MATK: variants seen among roughly 807,000 people sequenced by gnomAD.
MATK encodes megakaryocyte-associated tyrosine-protein kinase.
Under a neutral mutation model 59.8 loss-of-function variants are expected in MATK, and 41 were observed. That is an observed-to-expected ratio of 0.69 (90% CI 0.53 to 0.89). MATK has a LOEUF of 0.89. Among genes scored for constraint, MATK ranks in the 40% least tolerant of loss-of-function variants. The probability of loss-of-function intolerance (pLI) is 0.00; values close to 1 mark genes in which losing one functional copy is unlikely to be tolerated. For synonymous variants in MATK, 308 were observed against 306.1 expected (o/e 1.01, Z -0.06); for missense variants, 593 against 719.6 (o/e 0.82, Z 2.01).
chr19:3,797,957 G>C (rs1006477257), intron 1 of MATK, among the ~76,000 whole-genome samples: 13 of 152,092 alleles, frequency 8.5e-5, no homozygotes, highest in African/African-American at 2.9e-4. Context: ...GAGGAGAATC[G>C]CTTGAACCTG....
chr19:3,779,661 C>A, intron 9 of MATK, 37 bp downstream of exon 9: 3 of 1,610,624 alleles, frequency 1.9e-6, no homozygotes, highest in South Asian at 1.1e-5. Flanking sequence ...TGGGACCCCC[C>A]CCGTCCCACG....
rs779908758 is a variant in MATK at position 3,785,248 on chromosome 19, GCTGGGTGCCA to G, written c.-123_-114del. The G allele has an allele frequency of 1.3e-6, 2 of 1,571,738 alleles. No homozygotes were observed. The highest frequency in any genetic ancestry group is 4.7e-5 in the East Asian group (2 of 42,996). ...AGTCGGCTGGCACAGGAGGTAGGGA[GCTGGGTGCCA>G]CTGGACCGAGCCTGGTTCTTCCTGT... is the stretch of plus-strand genomic sequence containing the variant. On this transcript the variant is annotated 5_prime_UTR_variant, in exon 2 of 14. Coordinates refer to ENST00000310132, the MANE Select transcript of MATK (RefSeq NM_139355.3).
intron 1 of MATK, among the ~76,000 whole-genome samples, chr19:3,795,077 A>T (rs2037581498): frequency 7.1e-6 from 1 of 141,314 alleles, no homozygotes; most frequent in Non-Finnish European, 1.5e-5. Context: ...TCCCAGGTTC[A>T]CACCATTGTC....
intron 1 of MATK, among the ~76,000 whole-genome samples, chr19:3,792,362 G>A (rs1285845431): frequency 6.6e-6 from 1 of 152,110 alleles, no homozygotes; most frequent in African/African-American, 2.4e-5. Flanking sequence ...TCAGGGTTGG[G>A]ATTGGCTGGC....
Position 3,778,239 on chromosome 19 carries a change from A to C in MATK, c.1468T>G (p.Ser490Ala), listed in dbSNP as rs1472816390. ...CCGTCGGCGTCCTGCCCTGAGACGG[A>C]GGCTGGGGCACCTGCACTGCGTAGC... ...RELRSAGAPA[S>A]VSGQDADGST... Residue 490 changes from serine to alanine, a missense_variant, in exon 14 of 14, where the codon TCC becomes GCC. Coordinates refer to ENST00000310132, the MANE Select transcript of MATK (RefSeq NM_139355.3). 3.8e-6 allele frequency: 6 copies of C among 1,575,084 alleles called. No homozygotes were observed. The highest frequency in any genetic ancestry group is 4.5e-5 in the East Asian group (2 of 44,612).
At chr19:3,799,905 G>A (rs958138303) in intron 1 of MATK, among the ~76,000 whole-genome samples, 10 of 152,070 alleles carry the variant, frequency 6.6e-5, no homozygotes, top group Non-Finnish European at 1.2e-4. Context: ...CACTTTGGGA[G>A]GCTGAGGCGG....
upstream of MATK, among the ~76,000 whole-genome samples, chr19:3,790,703 C>T (rs1168030984): frequency 3.3e-5 from 5 of 152,188 alleles, no homozygotes; most frequent in Non-Finnish European, 7.3e-5. Context: ...CCTGGAATGC[C>T]CTTCCCCGCC....
At chr19:3,782,706 T>A in intron 7 of MATK, 1 of 206,440 alleles carries the variant, frequency 4.8e-6, no homozygotes, top group South Asian at 8.1e-5. Context: ...AAGATAACCT[T>A]GAGGCTGCAC....
At chr19:3,784,304 C>T (rs1302442269) in intron 4 of MATK, 34 bp downstream of exon 4, 5 of 1,591,152 alleles carry the variant, frequency 3.1e-6, no homozygotes, top group Non-Finnish European at 3.4e-6. Flanking sequence ...GAGCCCCCAG[C>T]CCCAAGCACC....
At chr19:3,784,913 G>A in intron 2 of MATK, 29 bp from the exon 3 acceptor site, 1 of 1,474,544 alleles carries the variant, frequency 6.8e-7, no homozygotes, top group Non-Finnish European at 9.3e-7. Flanking sequence ...CCAGGTGGGA[G>A]CTGGGCTGGG....
chr19:3,798,140 C>T (rs191523407), intron 1 of MATK, among the ~76,000 whole-genome samples: 29 of 152,204 alleles, frequency 1.9e-4, no homozygotes, highest in Non-Finnish European at 3.1e-4. Flanking sequence ...ATGAGCTCTC[C>T]GAGGATAAGA....
intron 8 of MATK, among the ~76,000 whole-genome samples, chr19:3,781,271 G>C (rs1396938214): frequency 6.6e-6 from 1 of 152,052 alleles, no homozygotes; most frequent in Non-Finnish European, 1.5e-5. Context: ...AGAGTCTGCC[G>C]ACCCCTGATC....
upstream of MATK, among the ~76,000 whole-genome samples, chr19:3,790,098 C>T (rs942276250): frequency 2.0e-5 from 3 of 152,274 alleles, no homozygotes; most frequent in African/African-American, 4.8e-5. Context: ...GACAGGGTTT[C>T]GCCATGTTGG....
upstream of MATK, chr19:3,789,417 G>T: frequency 1.5e-6 from 1 of 661,050 alleles, no homozygotes; most frequent in South Asian, 1.7e-5. Flanking sequence ...GCAAATCAAT[G>T]ATATTAGTGT....
upstream of MATK, among the ~76,000 whole-genome samples, chr19:3,787,233 A>C (rs2037495946): frequency 6.6e-6 from 1 of 152,006 alleles, no homozygotes; most frequent in South Asian, 2.1e-4. Flanking sequence ...CCTGGGCTCA[A>C]GCCAGCCTCC....
At chr19:3,796,608 C>A (rs2037597253) in intron 1 of MATK, among the ~76,000 whole-genome samples, 1 of 152,112 alleles carries the variant, frequency 6.6e-6, no homozygotes, top group Non-Finnish European at 1.5e-5. Context: ...CTCTTTCCCC[C>A]AGCCTCTCCA....
In MATK at chr19:3,778,582, TTGC is replaced by T. The variant is rs1354100274; in HGVS notation, c.1208_1210del (p.Ser403del). The T allele has an allele frequency of 6.2e-7, 1 of 1,612,908 alleles. No individual in the cohort carries two copies. The highest frequency in any genetic ancestry group is 1.7e-5 in the Admixed American group (1 of 59,888). The stretch of plus-strand genomic sequence containing the variant: ...CACCCCAAAACTCCAGACATCCGAC[TTGC>T]TGGTGAACTTCTGTGGGGCCCGAGA... On this transcript the variant is annotated inframe_deletion, in exon 13 of 14. Coordinates refer to ENST00000310132, the MANE Select transcript of MATK (RefSeq NM_139355.3).
At chr19:3,795,504 A>G (rs929330119) in intron 1 of MATK, among the ~76,000 whole-genome samples, 5 of 150,884 alleles carry the variant, frequency 3.3e-5, no homozygotes, top group African/African-American at 7.3e-5. Context: ...CTGACCTTAG[A>G]TGATCTGCCC....
chr19:3,779,051 C>T lies in MATK; in HGVS notation c.1138G>A (p.Gly380Arg). 1.2e-6 allele frequency: 2 copies of T among 1,605,064 alleles called. No individual in the cohort carries two copies. Among genetic ancestry groups the T allele is most frequent in the Non-Finnish European group, 1.7e-6 (2 of 1,177,882 alleles). The change falls in exon 12 of 14, where the codon GGG (glycine) becomes AGG (arginine). Residue 380 changes from glycine to arginine, a missense_variant. Physicochemically the swap from Gly to Arg is moderately radical, Grantham distance 125. Coordinates refer to ENST00000310132, the MANE Select transcript of MATK (RefSeq NM_139355.3). The part of the protein sequence containing the change: ...DFGLAKAERK[G>R]LDSSRLPVKW... ...ACGGGCAGCCGGCTTGAGTCTAGCC[C>T]CTTCCGCTCGGCTTTGGCCAGGCCA...
Sources: allele counts gnomAD v4.1 joint callset (sites outside exome capture counted in the v4.1 genomes callset), GRCh38; gene constraint gnomAD v4.1.1; transcripts MANE v1.5; gene names NCBI Gene and HGNC (gene_info 2026-07-23, HGNC 2026-07-21).